Variants in PLCB4 observed in about 807,000 individuals in gnomAD.
The protein encoded by PLCB4 is phospholipase C beta 4.
PLCB4 carries 77 observed loss-of-function variants against 178.8 expected under a neutral mutation model. That is an observed-to-expected ratio of 0.43 (90% confidence interval 0.36 to 0.52). PLCB4 has a LOEUF of 0.52. Among genes scored for constraint, PLCB4 ranks in the 20% least tolerant of loss-of-function variants. PLCB4 has a pLI of 0.00. For synonymous variants in PLCB4, 496 were observed against 490.8 expected, an observed-to-expected ratio of 1.01 and a Z score of -0.14; for missense variants, 1,024 against 1,453.4, an observed-to-expected ratio of 0.70 and a Z score of 4.80.
intron 2 of PLCB4, among the ~76,000 whole-genome samples, chr20:9,097,618 C>T (rs994576249): frequency 6.6e-6 from 1 of 152,086 alleles, no homozygotes; most frequent in Non-Finnish European, 1.5e-5. Context: ...ATAACAAATT[C>T]GTGATGCTGA....
At chr20:9,279,494 T>C (rs1013548909) in intron 3 of PLCB4, among the ~76,000 whole-genome samples, 1 of 151,686 alleles carries the variant, frequency 6.6e-6, no homozygotes, top group Admixed American at 6.6e-5. Flanking sequence ...GATGGGGAGA[T>C]AGGTAGGAAT....
chr20:9,273,549 G>C (rs2094424624), intron 3 of PLCB4, among the ~76,000 whole-genome samples: 1 of 152,056 alleles, frequency 6.6e-6, no homozygotes, highest in Non-Finnish European at 1.5e-5. Flanking sequence ...AAGGGTCCCA[G>C]AGTCAGTGAC....
intron 2 of PLCB4, among the ~76,000 whole-genome samples, chr20:9,112,679 C>G (rs1351158961): frequency 6.6e-6 from 1 of 152,118 alleles, no homozygotes; most frequent in Non-Finnish European, 1.5e-5. Context: ...AACAGCTTAT[C>G]TGGGCTAGGC....
At chr20:9,286,147 G>A (rs2094534725) in intron 3 of PLCB4, among the ~76,000 whole-genome samples, 1 of 151,992 alleles carries the variant, frequency 6.6e-6, no homozygotes, top group Non-Finnish European at 1.5e-5. Flanking sequence ...GTAAGTATGT[G>A]TGTTGGTGGG....
At chr20:9,315,165 C>G (rs185633438) in intron 4 of PLCB4, among the ~76,000 whole-genome samples, 2 of 152,146 alleles carry the variant, frequency 1.3e-5, no homozygotes, top group South Asian at 4.1e-4. Flanking sequence ...GGGGTAAGAT[C>G]GTAAATGTGT....
intron 2 of PLCB4, among the ~76,000 whole-genome samples, chr20:9,160,600 A>AG (rs2092871645): frequency 6.6e-6 from 1 of 152,228 alleles, no homozygotes; most frequent in Non-Finnish European, 1.5e-5. Flanking sequence ...CAACTAAAAA[A>AG]GAATGCAGAA....
intron 3 of PLCB4, among the ~76,000 whole-genome samples, chr20:9,229,625 T>A (rs2093909974): frequency 6.6e-6 from 1 of 152,094 alleles, no homozygotes; most frequent in African/African-American, 2.4e-5. Context: ...TATTTTTTTT[T>A]TATTTGGTAC....
intron 32 of PLCB4, among the ~76,000 whole-genome samples, chr20:9,445,238 C>T (rs189671604): frequency 6.6e-5 from 10 of 152,290 alleles, no homozygotes; most frequent in Non-Finnish European, 5.9e-5. Flanking sequence ...CCAGCTGCTG[C>T]TGGTAGGATA....
At chr20:9,476,696 T>C (rs1319116248) in intron 38 of PLCB4, 21 bp from the exon 39 acceptor site, 3 of 1,572,724 alleles carry the variant, frequency 1.9e-6, no homozygotes, top group African/African-American at 2.7e-5. Flanking sequence ...AATTTTGACA[T>C]TACTATTTTT....
rs1329241803 is a variant in PLCB4, at chr20:9,389,848, C to T, written c.1159-31C>T. The T allele has an allele frequency of 1.4e-5, 14 of 972,944 alleles. No individual in the cohort carries two copies. In the Admixed American group the frequency reaches 1.8e-4, roughly 12 times the overall value. 60.3% of individuals were successfully genotyped at this position (972,944 alleles called of 1,614,324 possible). On this transcript the variant is annotated intron_variant, in intron 15 of 39. Transcript: ENST00000378473. ...GGTGCCTTAATTTTTTTGCTCTTTT[C>T]TCTCATTAACGTTTTTTTTTGTTTT...
Position 9,443,991 on chromosome 20 carries a change from T to C in PLCB4, c.2775T>C (p.Leu925=). Residue 925 remains leucine (L), a synonymous_variant, in exon 31 of 40, where the codon CTT becomes CTC. Transcript: ENST00000378473. Reference sequence around the variant, plus strand: ...TTTTTGTTTGTTTAGGTATTGAACTTATCCCTCAAGTAAGGATAGAAGACT... The same window carrying C: ...TTTTTGTTTGTTTAGGTATTGAACTCATCCCTCAAGTAAGGATAGAAGACT... ...SGVEAKKGIE[L]IPQVRIEDLK... 6.3e-7 allele frequency: 1 copy of C among 1,589,052 alleles called. No homozygotes were observed. Among genetic ancestry groups the C allele is most frequent in the Non-Finnish European group, 8.6e-7 (1 of 1,164,024 alleles).
intron 35 of PLCB4, among the ~76,000 whole-genome samples, chr20:9,464,718 C>T (rs559922872): frequency 2.2e-4 from 33 of 152,190 alleles, no homozygotes; most frequent in Non-Finnish European, 2.9e-4. Flanking sequence ...TACACCCTCC[C>T]GAGACTAAAC....
At chr20:9,234,158 T>C (rs2093966276) in intron 3 of PLCB4, among the ~76,000 whole-genome samples, 2 of 152,096 alleles carry the variant, frequency 1.3e-5, no homozygotes, top group African/African-American at 4.8e-5. Flanking sequence ...GGGTGCCAGA[T>C]TGAACAATAG....
chr20:9,464,952 T>A (rs983116338), intron 35 of PLCB4, among the ~76,000 whole-genome samples: 2 of 152,188 alleles, frequency 1.3e-5, no homozygotes, highest in African/African-American at 4.8e-5. Flanking sequence ...ATCATCCTGA[T>A]ACCAAAGCCT....
At chr20:9,157,705 G>C (rs981789557) in intron 2 of PLCB4, among the ~76,000 whole-genome samples, 10 of 152,136 alleles carry the variant, frequency 6.6e-5, no homozygotes, top group African/African-American at 2.4e-4. Flanking sequence ...GTAATTCACA[G>C]ACCAAAGAGT....
At chr20:9,402,370 G>A (rs2039093757) in intron 20 of PLCB4, among the ~76,000 whole-genome samples, 1 of 152,246 alleles carries the variant, frequency 6.6e-6, no homozygotes, top group East Asian at 1.9e-4. Flanking sequence ...ACAACAGCAA[G>A]GGCTGTGAGT....
At chr20:9,409,326 T>G in intron 24 of PLCB4, 145 bp downstream of exon 24, 2 of 514,160 alleles carry the variant, frequency 3.9e-6, no homozygotes, top group South Asian at 4.6e-5. Flanking sequence ...TATATAATGG[T>G]GAGAAATAAA....
At chr20:9,126,965 T>C (rs1196513401) in intron 2 of PLCB4, among the ~76,000 whole-genome samples, 1 of 152,150 alleles carries the variant, frequency 6.6e-6, no homozygotes, top group Non-Finnish European at 1.5e-5. Flanking sequence ...ACATTACCTG[T>C]AATACTAACA....
chr20:9,319,908 A>G (rs2094940442), intron 4 of PLCB4, among the ~76,000 whole-genome samples: 1 of 152,194 alleles, frequency 6.6e-6, no homozygotes. Flanking sequence ...CACAGACAGT[A>G]GTAAATCACT....
Sources: gnomAD v4.1 joint callset for allele counts (sites outside exome capture counted in the v4.1 genomes callset) on GRCh38, gnomAD v4.1.1 for gene constraint, MANE v1.5 for transcripts, NCBI Gene and HGNC (gene_info 2026-07-23, HGNC 2026-07-21) for gene names.